The following THSD7B variants were observed in gnomAD, a reference collection of about 807,000 sequenced individuals.
THSD7B encodes the protein thrombospondin type 1 domain containing 7B, also known as thrombospondin type-1 domain-containing protein 7B.
Under a neutral mutation model 213.6 loss-of-function variants are expected in THSD7B, and 138 were observed. That is an observed-to-expected ratio of 0.65 (90% CI 0.56 to 0.74). THSD7B has a LOEUF of 0.74. Among genes scored for constraint, THSD7B ranks in the 30% least tolerant of loss-of-function variants. The pLI is 0.00. For missense variants in THSD7B, 1,931 were observed against 1,991.5 expected (o/e 0.97, Z 0.58); for synonymous variants, 742 against 687.0 (o/e 1.08, Z -1.25).
At chr2:137,453,456 T>C (rs1403663030) in intron 15 of THSD7B, among the ~76,000 whole-genome samples, 3 of 147,998 alleles carry the variant, frequency 2.0e-5, no homozygotes, top group Non-Finnish European at 4.5e-5. Context: ...CAGCCTCCCA[T>C]GTAGCTGTGG....
chr2:136,872,669 C>T (rs1683452640), intron 1 of THSD7B, among the ~76,000 whole-genome samples: 1 of 146,052 alleles, frequency 6.8e-6, no homozygotes, highest in Non-Finnish European at 1.5e-5. Flanking sequence ...CTTCTCTCTC[C>T]CTTCATTCCT....
intron 25 of THSD7B, 141 bp downstream of exon 25, chr2:137,659,887 T>A (rs1683311013): frequency 4.6e-6 from 3 of 649,076 alleles, no homozygotes; most frequent in South Asian, 5.7e-5. Context: ...GCAGGAGTAA[T>A]CCCAGTTATA....
chr2:137,382,292 C>G (rs2104965535), intron 12 of THSD7B, among the ~76,000 whole-genome samples: 1 of 152,334 alleles, frequency 6.6e-6, no homozygotes, highest in Non-Finnish European at 1.5e-5. Context: ...GAAGTGGCAA[C>G]ACTCCTCTTG....
At chr2:137,387,986 C>T (rs757955754) in intron 12 of THSD7B, among the ~76,000 whole-genome samples, 5 of 152,194 alleles carry the variant, frequency 3.3e-5, no homozygotes, top group Non-Finnish European at 7.3e-5. Flanking sequence ...TATACGCACA[C>T]ACACACAATA....
At chr2:137,606,398 C>G (rs1209868479) in intron 17 of THSD7B, among the ~76,000 whole-genome samples, 1 of 152,028 alleles carries the variant, frequency 6.6e-6, no homozygotes, top group Non-Finnish European at 1.5e-5. Flanking sequence ...TTTGGCTAAC[C>G]TGAGAGGAAA....
At chr2:137,389,096 C>T (rs1455866659) in intron 12 of THSD7B, among the ~76,000 whole-genome samples, 1 of 150,348 alleles carries the variant, frequency 6.7e-6, no homozygotes, top group Admixed American at 6.7e-5. Flanking sequence ...AATCTCCATA[C>T]TGTTTTCCTT....
intron 20 of THSD7B, among the ~76,000 whole-genome samples, chr2:137,638,393 A>C (rs1005891450): frequency 2.6e-4 from 40 of 152,196 alleles, no homozygotes; most frequent in Admixed American, 2.5e-3. Context: ...TGTTACCTCC[A>C]TGTAAGAAGT....
chr2:136,983,486 G>C (rs1208377198), intron 2 of THSD7B, among the ~76,000 whole-genome samples: 3 of 143,224 alleles, frequency 2.1e-5, no homozygotes, highest in African/African-American at 7.9e-5. Context: ...ACTTCAGCTA[G>C]AACCCAGTAA....
chr2:137,492,323 CATT>C (rs1679428878), intron 15 of THSD7B, among the ~76,000 whole-genome samples: 2 of 152,178 alleles, frequency 1.3e-5, no homozygotes, highest in South Asian at 4.1e-4. Context: ...CCTACCCACT[CATT>C]ATCAATTATA....
intron 10 of THSD7B, among the ~76,000 whole-genome samples, chr2:137,271,739 T>A (rs1396240290): frequency 6.6e-6 from 1 of 151,870 alleles, no homozygotes; most frequent in Non-Finnish European, 1.5e-5. Context: ...AGGTCAGAGA[T>A]TTGTGTGTGC....
intron 17 of THSD7B, among the ~76,000 whole-genome samples, chr2:137,610,570 A>G (rs1233924564): frequency 1.3e-5 from 2 of 152,134 alleles, no homozygotes; most frequent in African/African-American, 4.8e-5. Flanking sequence ...TTCGGTCACA[A>G]AGAACCCTGT....
At chr2:137,283,907 G>A (rs1450810089) in intron 12 of THSD7B, among the ~76,000 whole-genome samples, 2 of 152,092 alleles carry the variant, frequency 1.3e-5, no homozygotes, top group African/African-American at 2.4e-5. Flanking sequence ...GATGATGCTG[G>A]CCTCATAAAA....
intron 5 of THSD7B, among the ~76,000 whole-genome samples, chr2:137,154,827 AAACTTTGTTC>A (rs1184023918): frequency 7.2e-5 from 11 of 152,216 alleles, no homozygotes; most frequent in African/African-American, 2.7e-4. Context: ...GGAAAATGGT[AAACTTTGTTC>A]ATATCTAGAA....
At chr2:137,635,223 C>T (rs1176369854) in intron 20 of THSD7B, among the ~76,000 whole-genome samples, 2 of 152,062 alleles carry the variant, frequency 1.3e-5, no homozygotes. Context: ...GATGAGTGCA[C>T]GAATAGAGAG....
intron 12 of THSD7B, among the ~76,000 whole-genome samples, chr2:137,317,950 G>A (rs982890437): frequency 2.1e-4 from 32 of 152,106 alleles, no homozygotes; most frequent in African/African-American, 7.5e-4. Context: ...GGAAGAAAAA[G>A]GATCCATGCT....
intron 4 of THSD7B, among the ~76,000 whole-genome samples, chr2:137,096,209 A>G (rs961790336): frequency 2.0e-5 from 3 of 152,142 alleles, no homozygotes; most frequent in African/African-American, 7.2e-5. Flanking sequence ...CAAGATAGGC[A>G]TTTTTCTTAT....
intron 1 of THSD7B, among the ~76,000 whole-genome samples, chr2:136,810,118 G>T (rs1304260726): frequency 6.6e-6 from 1 of 152,150 alleles, no homozygotes; most frequent in Non-Finnish European, 1.5e-5. Flanking sequence ...CATAGAGAAG[G>T]CAAGTGTGAC....
At chr2:137,612,834 T>G (rs1013010467) in intron 17 of THSD7B, among the ~76,000 whole-genome samples, 2 of 152,132 alleles carry the variant, frequency 1.3e-5, no homozygotes, top group African/African-American at 4.8e-5. Context: ...TTTAACTTCT[T>G]CAAAATTGAT....
intron 2 of THSD7B, among the ~76,000 whole-genome samples, chr2:136,948,803 C>T (rs1445651157): frequency 2.0e-5 from 3 of 152,044 alleles, no homozygotes; most frequent in Admixed American, 6.5e-5. Flanking sequence ...ATGTAGGTCA[C>T]GTCGTATGTG....
Sources: allele counts gnomAD v4.1 joint callset (sites outside exome capture counted in the v4.1 genomes callset), GRCh38; gene constraint gnomAD v4.1.1; transcripts MANE v1.5; gene names NCBI Gene and HGNC (gene_info 2026-07-23, HGNC 2026-07-21).